ST7: variants seen among roughly 807,000 people sequenced by gnomAD.
ST7 encodes suppressor of tumorigenicity 7 protein.
In ST7, 28 loss-of-function variants were observed where a neutral mutation model predicts 78.7. The observed-to-expected ratio is 0.36, with a 90% CI of 0.26 to 0.49. The LOEUF (loss-of-function observed/expected upper bound fraction) is 0.49, where lower values mean the gene tolerates loss of function less well. Among genes scored for constraint, ST7 ranks in the 20% least tolerant of loss-of-function variants. ST7 has a pLI of 0.99. For missense variants in ST7, 418 were observed against 696.0 expected (o/e 0.60, Z 4.49); for synonymous variants, 247 against 249.6 (o/e 0.99, Z 0.10).
intron 1 of ST7, among the ~76,000 whole-genome samples, chr7:116,981,322 C>T (rs1418204809): frequency 2.0e-5 from 3 of 152,084 alleles, no homozygotes; most frequent in Non-Finnish European, 4.4e-5. Flanking sequence ...TTTGCCCAGG[C>T]TGGTCTCAAA....
intron 3 of ST7, among the ~76,000 whole-genome samples, chr7:117,122,894 T>C (rs941601563): frequency 9.2e-5 from 14 of 152,238 alleles, no homozygotes; most frequent in African/African-American, 2.9e-4. Context: ...TTATCTCTAC[T>C]TTTAATCACT....
intron 1 of ST7, among the ~76,000 whole-genome samples, chr7:117,074,982 G>A (rs1298327772): frequency 6.6e-6 from 1 of 152,178 alleles, no homozygotes; most frequent in Admixed American, 6.5e-5. Context: ...GTTAGTGGGT[G>A]AATTTAGTAG....
At chr7:117,002,629 G>C (rs536144993) in intron 1 of ST7, among the ~76,000 whole-genome samples, 1 of 130,134 alleles carries the variant, frequency 7.7e-6, no homozygotes, top group Admixed American at 8.8e-5. Flanking sequence ...CCTAAGGATT[G>C]TAGTTGAGGC....
intron 1 of ST7, among the ~76,000 whole-genome samples, chr7:116,982,175 T>TCTGCTGCTG (rs925206346): frequency 3.3e-5 from 5 of 152,122 alleles, no homozygotes; most frequent in Non-Finnish European, 5.9e-5. Context: ...TTCATTTACT[T>TCTGCTGCTG]CTGCTGCTGC....
In ST7 at chr7:117,187,142, A is replaced by T. The variant is rs193009951; in HGVS notation, c.1079-2179A>T. On this transcript the variant is annotated intron_variant, in intron 10 of 15. Transcript: ENST00000323984. ...AAATTGCTATTACCAAGTAGATGTA[A>T]TGTTTTTACAGATAAAAGAATAACA... Among the ~76,000 whole-genome samples, 10 of 152,296 alleles carry T rather than the reference A, an allele frequency of 6.6e-5. No homozygotes were observed. The East Asian group carries it at 1.9e-3, about 29-fold the overall frequency.
intron 3 of ST7, among the ~76,000 whole-genome samples, chr7:117,122,560 G>A (rs189686569): frequency 2.6e-4 from 39 of 152,252 alleles, no homozygotes; most frequent in Admixed American, 2.4e-3. Context: ...TTTACTGAGT[G>A]CCTACTATGC....
intron 1 of ST7, among the ~76,000 whole-genome samples, chr7:117,082,810 C>T (rs961120952): frequency 2.0e-5 from 3 of 152,204 alleles, no homozygotes; most frequent in African/African-American, 7.2e-5. Flanking sequence ...CAGTCATAGA[C>T]ATTACATAAA....
intron 3 of ST7, among the ~76,000 whole-genome samples, chr7:117,122,318 A>G (rs1263965183): frequency 1.3e-5 from 2 of 152,212 alleles, no homozygotes; most frequent in Non-Finnish European, 2.9e-5. Context: ...CTTCAGTGGA[A>G]TGGGAACCAA....
chr7:117,156,481 G>A (rs1212627169), intron 9 of ST7, among the ~76,000 whole-genome samples: 1 of 152,188 alleles, frequency 6.6e-6, no homozygotes. Context: ...CTCCAGGTAG[G>A]TATTGCAGGA....
chr7:116,958,100 C>T (rs1229013165), intron 1 of ST7, among the ~76,000 whole-genome samples: 1 of 151,952 alleles, frequency 6.6e-6, no homozygotes, highest in Non-Finnish European at 1.5e-5. Context: ...ATCCTCCTGT[C>T]TCAGCCTGCC....
At chr7:116,996,627 C>T (rs937391990) in intron 1 of ST7, among the ~76,000 whole-genome samples, 1 of 152,168 alleles carries the variant, frequency 6.6e-6, no homozygotes, top group African/African-American at 2.4e-5. Context: ...TTGTCATTTT[C>T]TGAATAGGTG....
At chr7:117,028,295 A>G (rs116882592) in intron 1 of ST7, among the ~76,000 whole-genome samples, 18 of 152,336 alleles carry the variant, frequency 1.2e-4, no homozygotes, top group Non-Finnish European at 2.2e-4. Flanking sequence ...TTTGCTTGCA[A>G]TACTGATATA....
rs185751375 is a variant in ST7, at chr7:116,990,510, C to T, written c.151+36819C>T. Among the ~76,000 whole-genome samples the T allele has an allele frequency of 1.7e-4, 26 of 152,068 alleles. No individual in the cohort carries two copies. The East Asian group carries it at 4.3e-3, about 25-fold the overall frequency. The stretch of plus-strand genomic sequence containing the variant: ...TATAATGGTCCAGGTTGTTATAATT[C>T]CACTGAAAAAAATAAAAGATGGTAG... On this transcript the variant is annotated intron_variant, in intron 1 of 15. Coordinates refer to ENST00000323984, the MANE Select transcript of ST7 (RefSeq NM_001369598.1).
chr7:116,989,761 C>T lies in ST7; in HGVS notation c.151+36070C>T, dbSNP rs375983773. On this transcript the variant is annotated intron_variant, in intron 1 of 15. Coordinates refer to ENST00000323984, the MANE Select transcript of ST7 (RefSeq NM_001369598.1). ...GGCTGAGGTGGGAGGATCATTTGAG[C>T]CCAGGAGTTCAAGGTTACAGTGAAG... 2.6e-5 allele frequency among the ~76,000 whole-genome samples: 4 copies of T among 152,058 alleles called. No homozygotes were observed. The East Asian group carries it at 7.7e-4, about 29-fold the overall frequency.
chr7:117,120,771 T>C (rs949102071), intron 3 of ST7, among the ~76,000 whole-genome samples: 3 of 152,226 alleles, frequency 2.0e-5, no homozygotes, highest in Non-Finnish European at 4.4e-5. Context: ...TATGGCTTTA[T>C]TGTAGTATCT....
chr7:117,134,210 T>C lies in ST7; in HGVS notation c.710+18T>C. ...TTACCAAAGTAAGTCAAGAACCTGT[T>C]GGGTGCCCTACTTCTAACCAAATGA... On this transcript the variant is annotated intron_variant, in intron 7 of 15. Coordinates refer to ENST00000323984, the MANE Select transcript of ST7 (RefSeq NM_001369598.1). 6.2e-7 allele frequency: 1 copy of C among 1,611,458 alleles called. No individual in the cohort carries two copies. Among genetic ancestry groups the C allele is most frequent in the Non-Finnish European group, 8.5e-7 (1 of 1,178,536 alleles).
chr7:117,024,433 C>T (rs1417821421), intron 1 of ST7, among the ~76,000 whole-genome samples: 6 of 152,080 alleles, frequency 3.9e-5, no homozygotes, highest in Admixed American at 1.3e-4. Flanking sequence ...CTCAAGGGTA[C>T]CACTTAAGAA....
chr7:117,123,145 G>A (rs1369714697), intron 3 of ST7, among the ~76,000 whole-genome samples: 1 of 152,132 alleles, frequency 6.6e-6, no homozygotes, highest in Non-Finnish European at 1.5e-5. Flanking sequence ...TGTTGGCAAA[G>A]GCAGTGTAAT....
chr7:117,054,868 G>A (rs1797983847), intron 1 of ST7, among the ~76,000 whole-genome samples: 1 of 152,160 alleles, frequency 6.6e-6, no homozygotes. Context: ...TTACAAAGAT[G>A]AAGAAAGGGC....
Sources: allele counts gnomAD v4.1 joint callset (sites outside exome capture counted in the v4.1 genomes callset), GRCh38; gene constraint gnomAD v4.1.1; transcripts MANE v1.5; gene names NCBI Gene and HGNC (gene_info 2026-07-23, HGNC 2026-07-21).